The following CDKAL1 variants were observed in gnomAD, a reference collection of about 807,000 sequenced individuals.
The protein encoded by CDKAL1 is threonylcarbamoyladenosine tRNA methylthiotransferase.
Under a neutral mutation model 68.2 loss-of-function variants are expected in CDKAL1, and 32 were observed. That is an observed-to-expected ratio of 0.47 (90% CI 0.35 to 0.63). CDKAL1 has a LOEUF of 0.63. Among genes scored for constraint, CDKAL1 ranks in the 30% least tolerant of loss-of-function variants. The pLI is 0.00. For missense variants in CDKAL1, 606 were observed against 696.7 expected (o/e 0.87, Z 1.47); for synonymous variants, 234 against 244.3 (o/e 0.96, Z 0.39).
rs192780420 is a variant in CDKAL1, at chr6:20,860,962, C to T, written c.742+14784C>T. 2.6e-3 allele frequency among the ~76,000 whole-genome samples: 337 copies of T among 130,482 alleles called. 3 individuals carry two copies. The highest frequency in any genetic ancestry group is 8.8e-3 in the African/African-American group (298 of 33,874). 85.6% of individuals were successfully genotyped at this position (130,482 alleles called of 152,430 possible). On this transcript the variant is annotated intron_variant, in intron 9 of 15. Transcript: ENST00000274695. The stretch of plus-strand genomic sequence containing the variant: ...TTTTTTTTTTTTTTTTTAGAGAAAG[C>T]GTAAGCGTAAATTATGTAAATGGTT...
rs577704597 is a variant in CDKAL1 at position 21,028,938 on chromosome 6, T to C, written c.1055+28566T>C. ...TTTTTGTTTCTCTTCATTGTACTTA[T>C]GCTTTCAAAGTCACCAGGCATTAAA... On this transcript the variant is annotated intron_variant, in intron 11 of 15. Coordinates refer to ENST00000274695, the MANE Select transcript of CDKAL1 (RefSeq NM_017774.3). Among the ~76,000 whole-genome samples, 4 of 152,346 alleles carry C rather than the reference T, an allele frequency of 2.6e-5. No homozygotes were observed. In the East Asian group the frequency reaches 5.8e-4, roughly 22 times the overall value.
intron 4 of CDKAL1, among the ~76,000 whole-genome samples, chr6:20,555,716 A>G (rs1158451726): frequency 3.6e-5 from 5 of 137,126 alleles, no homozygotes; most frequent in Non-Finnish European, 1.5e-5. Flanking sequence ...TCCGCCTTCC[A>G]GGTTCACACC....
intron 5 of CDKAL1, among the ~76,000 whole-genome samples, chr6:20,663,117 C>T (rs1241396073): frequency 6.6e-6 from 1 of 152,142 alleles, no homozygotes; most frequent in Non-Finnish European, 1.5e-5. Flanking sequence ...TGAGTCTGTC[C>T]CTTCTTTAAA....
chr6:21,151,307 C>T (rs796750595), intron 13 of CDKAL1, among the ~76,000 whole-genome samples: 24 of 152,294 alleles, frequency 1.6e-4, no homozygotes, highest in African/African-American at 5.8e-4. Context: ...TTAGTTTAAC[C>T]CTCTCCGACC....
At chr6:20,624,408 C>T (rs189468057) in intron 4 of CDKAL1, among the ~76,000 whole-genome samples, 1 of 151,812 alleles carries the variant, frequency 6.6e-6, no homozygotes, top group East Asian at 1.9e-4. Context: ...CTTTTTTTCT[C>T]TCCTGAGGAT....
intron 11 of CDKAL1, among the ~76,000 whole-genome samples, chr6:21,060,169 G>A (rs1771069255): frequency 6.6e-6 from 1 of 152,092 alleles, no homozygotes; most frequent in Admixed American, 6.5e-5. Context: ...GTCTTGGGTG[G>A]TTTTGTTTTG....
chr6:20,864,721 A>G lies in CDKAL1; in HGVS notation c.742+18543A>G, dbSNP rs115925188. On this transcript the variant is annotated intron_variant, in intron 9 of 15. Coordinates refer to ENST00000274695, the MANE Select transcript of CDKAL1 (RefSeq NM_017774.3). The stretch of plus-strand genomic sequence containing the variant: ...GGTAAAATGGTATTTCTCAAATTGA[A>G]TATCAGCTATTTCTTGACATTTTAT... Among the ~76,000 whole-genome samples the G allele has an allele frequency of 6.7e-3, 1,017 of 152,274 alleles. 11 individuals are homozygous for G. The highest frequency in any genetic ancestry group is 0.023 in the African/African-American group (971 of 41,568).
chr6:20,581,310 A>T (rs968370176), intron 4 of CDKAL1, among the ~76,000 whole-genome samples: 22 of 152,154 alleles, frequency 1.4e-4, no homozygotes, highest in Non-Finnish European at 1.5e-5. Flanking sequence ...TTTCAATTTC[A>T]TAAGAGTCAT....
chr6:20,596,037 C>T (rs1765807300), intron 4 of CDKAL1, among the ~76,000 whole-genome samples: 1 of 152,212 alleles, frequency 6.6e-6, no homozygotes, highest in Non-Finnish European at 1.5e-5. Context: ...CCTGTTACTT[C>T]CTCTGGAAAC....
intron 4 of CDKAL1, among the ~76,000 whole-genome samples, chr6:20,606,338 T>C (rs1766332615): frequency 6.6e-6 from 1 of 152,210 alleles, no homozygotes. Context: ...CACAGCAAGA[T>C]ACTTTGTTTT....
chr6:20,786,807 T>G (rs954667450), intron 8 of CDKAL1, among the ~76,000 whole-genome samples: 2 of 152,096 alleles, frequency 1.3e-5, no homozygotes, highest in African/African-American at 2.4e-5. Flanking sequence ...GACTCCCTTA[T>G]TTTTTCTAGC....
intron 4 of CDKAL1, among the ~76,000 whole-genome samples, chr6:20,586,603 A>C (rs1765365820): frequency 2.0e-5 from 3 of 152,164 alleles, no homozygotes. Flanking sequence ...ACGCCACTGC[A>C]CTCCGGCCTG....
At chr6:21,162,280 A>G (rs746495147) in intron 13 of CDKAL1, among the ~76,000 whole-genome samples, 2 of 152,356 alleles carry the variant, frequency 1.3e-5, no homozygotes, top group African/African-American at 4.8e-5. Flanking sequence ...TTGAACAGCC[A>G]TCTTCTGATT....
chr6:21,022,390 A>G (rs967136870), intron 11 of CDKAL1, among the ~76,000 whole-genome samples: 2 of 152,196 alleles, frequency 1.3e-5, no homozygotes, highest in Admixed American at 1.3e-4. Flanking sequence ...ACGCTCATGG[A>G]TTGGCTGCTG....
At chr6:21,209,325 G>A (rs764486805) in intron 15 of CDKAL1, among the ~76,000 whole-genome samples, 5 of 152,168 alleles carry the variant, frequency 3.3e-5, no homozygotes, top group Non-Finnish European at 5.9e-5. Context: ...GGACAAAGAC[G>A]TGGACCGACT....
At chr6:20,583,003 A>C (rs1040783470) in intron 4 of CDKAL1, among the ~76,000 whole-genome samples, 6 of 152,180 alleles carry the variant, frequency 3.9e-5, no homozygotes, top group Non-Finnish European at 8.8e-5. Context: ...GGTAATAAGA[A>C]AGACTTTCTA....
chr6:20,767,062 T>C (rs1450387856), intron 7 of CDKAL1, among the ~76,000 whole-genome samples: 1 of 152,168 alleles, frequency 6.6e-6, no homozygotes, highest in African/African-American at 2.4e-5. Context: ...AACCAACTTT[T>C]AAGAGAATTG....
chr6:21,115,272 G>C (rs1317824103), intron 13 of CDKAL1, among the ~76,000 whole-genome samples: 1 of 152,228 alleles, frequency 6.6e-6, no homozygotes, highest in Non-Finnish European at 1.5e-5. Context: ...CCACGGTATT[G>C]TCAAGCCTTC....
chr6:20,830,345 T>C (rs1178737908), intron 8 of CDKAL1, among the ~76,000 whole-genome samples: 1 of 152,190 alleles, frequency 6.6e-6, no homozygotes, highest in African/African-American at 2.4e-5. Flanking sequence ...TGTTTTGCCC[T>C]ATATCTTTAT....
Sources: gnomAD v4.1 joint callset for allele counts (sites outside exome capture counted in the v4.1 genomes callset) on GRCh38, gnomAD v4.1.1 for gene constraint, MANE v1.5 for transcripts, NCBI Gene and HGNC (gene_info 2026-07-23, HGNC 2026-07-21) for gene names.